The following TRMT44 variants were observed in gnomAD, a reference collection of about 807,000 sequenced individuals.
The protein encoded by TRMT44 is tRNA methyltransferase 44 homolog, also known as probable tRNA (uracil-O(2)-)-methyltransferase.
Under a neutral mutation model 77.3 loss-of-function variants are expected in TRMT44, and 78 were observed. The observed-to-expected ratio is 1.01, with a 90% CI of 0.84 to 1.22. The LOEUF is 1.22. Ranked by LOEUF, TRMT44 falls within the 50% of genes most tolerant of loss-of-function variation. The pLI is 0.00. For synonymous variants in TRMT44, 391 were observed against 383.3 expected, an observed-to-expected ratio of 1.02 and a Z score of -0.23; for missense variants, 1,090 against 964.4, an observed-to-expected ratio of 1.13 and a Z score of -1.73.
At chr4:8,443,344 C>T (rs1724870270) in intron 1 of TRMT44, among the ~76,000 whole-genome samples, 1 of 152,200 alleles carries the variant, frequency 6.6e-6, no homozygotes, top group Admixed American at 6.5e-5. Flanking sequence ...CTCAGGGAGG[C>T]AGTTTTCCCT....
intron 6 of TRMT44, among the ~76,000 whole-genome samples, chr4:8,458,025 T>A (rs948193978): frequency 2.6e-5 from 4 of 152,086 alleles, no homozygotes; most frequent in African/African-American, 9.7e-5. Context: ...CAGCGCCAGA[T>A]GATGAGGAAG....
At chr4:8,465,738 T>G (rs1351030692) in intron 8 of TRMT44, among the ~76,000 whole-genome samples, 177 bp downstream of exon 8, 1 of 152,164 alleles carries the variant, frequency 6.6e-6, no homozygotes, top group Admixed American at 6.5e-5. Flanking sequence ...TGTCCCATGG[T>G]GCCCTCCTTA....
At chr4:8,473,694 T>TGTGGTTCC (rs1727180948) in intron 10 of TRMT44, 1 of 152,512 alleles carries the variant, frequency 6.6e-6, no homozygotes. Context: ...ACTGTGGCTC[T>TGTGGTTCC]GTGGTTCCAT....
At chr4:8,513,813 G>C in the TRMT44 span, among the ~76,000 whole-genome samples, 5 of 152,162 alleles carry the variant, frequency 3.3e-5, no homozygotes, top group African/African-American at 1.2e-4. Context: ...AGGGAAATGA[G>C]GATTGAGACC....
chr4:8,485,226 G>T (rs1727766199), intron 2 of TRMT44, among the ~76,000 whole-genome samples: 1 of 152,224 alleles, frequency 6.6e-6, no homozygotes, highest in Admixed American at 6.5e-5. Flanking sequence ...AGGCTGGGAT[G>T]AGGGGTGCAG....
At chr4:8,464,195 C>A in intron 7 of TRMT44, 104 bp downstream of exon 7, 1 of 789,898 alleles carries the variant, frequency 1.3e-6, no homozygotes, top group Non-Finnish European at 2.1e-6. Context: ...TTGTCAAGCA[C>A]TTGAAATGTG....
intron 6 of TRMT44, among the ~76,000 whole-genome samples, chr4:8,456,339 G>T (rs921326368): frequency 1.3e-5 from 2 of 152,140 alleles, no homozygotes; most frequent in Non-Finnish European, 2.9e-5. Flanking sequence ...CAACGTGTTT[G>T]GTGCAATACT....
intron 8 of TRMT44, among the ~76,000 whole-genome samples, chr4:8,467,118 G>T (rs1000742749): frequency 1.3e-5 from 2 of 152,216 alleles, no homozygotes; most frequent in Admixed American, 6.5e-5. Context: ...AGGCAAGCAC[G>T]CATGGAGCAC....
chr4:8,476,105 C>A lies in TRMT44; in HGVS notation c.*104C>A. The stretch of plus-strand genomic sequence containing the variant: ...TCTCTGCTCTGGCTGTGTTTCAGCC[C>A]ACCTCCTCCCAGCTTTCTCCACATC... On this transcript the variant is annotated 3_prime_UTR_variant, in exon 11 of 11. Transcript: ENST00000389737. 1 of 1,001,908 alleles carries A rather than the reference C, an allele frequency of 1.0e-6. No homozygotes were observed. Among genetic ancestry groups the A allele is most frequent in the Non-Finnish European group, 1.5e-6 (1 of 673,450 alleles). 62.1% of individuals were successfully genotyped at this position (1,001,908 alleles called of 1,614,324 possible).
At chr4:8,502,297 G>A in the TRMT44 span, among the ~76,000 whole-genome samples, 1 of 152,258 alleles carries the variant, frequency 6.6e-6, no homozygotes, top group African/African-American at 2.4e-5. Context: ...CTTCCTGTTG[G>A]TGTTTGTTGA....
intron 2 of TRMT44, among the ~76,000 whole-genome samples, chr4:8,483,544 G>T (rs927423402): frequency 3.9e-5 from 6 of 152,178 alleles, no homozygotes; most frequent in African/African-American, 1.4e-4. Context: ...TCTGACTTCT[G>T]AGAAGGGAAA....
chr4:8,479,820 C>T (rs1727556547), downstream of TRMT44, among the ~76,000 whole-genome samples: 1 of 149,768 alleles, frequency 6.7e-6, no homozygotes, highest in African/African-American at 2.4e-5. Context: ...ATTTTTGACT[C>T]TTTTTTAATA....
At chr4:8,471,921 G>A (rs571256438) in intron 10 of TRMT44, among the ~76,000 whole-genome samples, 3 of 152,318 alleles carry the variant, frequency 2.0e-5, no homozygotes, top group African/African-American at 7.2e-5. Context: ...CAGCTTCCAG[G>A]TGTGCACAGA....
chr4:8,474,527 T>A (rs1455916182), intron 10 of TRMT44, among the ~76,000 whole-genome samples: 1 of 152,226 alleles, frequency 6.6e-6, no homozygotes, highest in Non-Finnish European at 1.5e-5. Context: ...TTCTCTAGTT[T>A]CAGGGGAAAC....
chr4:8,454,238 C>A (rs1015917777), intron 5 of TRMT44, among the ~76,000 whole-genome samples: 4 of 150,916 alleles, frequency 2.7e-5, no homozygotes, highest in African/African-American at 7.5e-5. Flanking sequence ...CCACTGTGGT[C>A]ACTCAACTCC....
intron 6 of TRMT44, among the ~76,000 whole-genome samples, chr4:8,457,015 CCG>C (rs1560227847): frequency 5.2e-5 from 2 of 38,460 alleles, no homozygotes; most frequent in South Asian, 2.2e-3. Context: ...AGCAAGACAC[CCG>C]CCCCCCCCCC....
chr4:8,477,498 T>G (rs1560245663), downstream of TRMT44: 1 of 152,474 alleles, frequency 6.6e-6, no homozygotes, highest in East Asian at 1.9e-4. Flanking sequence ...TGCTGAGGCC[T>G]CTGGGGTCCC....
chr4:8,469,612 G>A (rs895005629), intron 9 of TRMT44, among the ~76,000 whole-genome samples: 3 of 152,230 alleles, frequency 2.0e-5, no homozygotes, highest in African/African-American at 7.2e-5. Flanking sequence ...ACCTGGAGAT[G>A]GAGAGCGGGG....
intron 1 of TRMT44, 33 bp downstream of exon 1, chr4:8,441,474 T>C (rs1168012190): frequency 1.2e-5 from 17 of 1,451,902 alleles, no homozygotes; most frequent in Non-Finnish European, 1.5e-5. Context: ...CGGATATGAT[T>C]AGATAAAAAA....
Sources: gnomAD v4.1 joint callset for allele counts (sites outside exome capture counted in the v4.1 genomes callset) on GRCh38, gnomAD v4.1.1 for gene constraint, MANE v1.5 for transcripts, NCBI Gene and HGNC (gene_info 2026-07-23, HGNC 2026-07-21) for gene names.